DDAH1: variants seen among roughly 807,000 people sequenced by gnomAD.
DDAH1 encodes dimethylarginine dimethylaminohydrolase 1, also known as N(G),N(G)-dimethylarginine dimethylaminohydrolase 1.
Under a neutral mutation model 28.8 loss-of-function variants are expected in DDAH1, and 19 were observed. The ratio of observed to expected loss-of-function variants is 0.66; its 90% CI spans 0.46 to 0.97. DDAH1 has a LOEUF of 0.97. Ranked by LOEUF, DDAH1 falls within the 50% of genes least tolerant of loss-of-function variation. The pLI is 0.00. For synonymous variants in DDAH1, 153 were observed against 154.4 expected (o/e 0.99, Z 0.07); for missense variants, 326 against 375.9 (o/e 0.87, Z 1.10).
At chr1:85,386,184 C>T (rs1303282102) in intron 1 of DDAH1, among the ~76,000 whole-genome samples, 3 of 152,200 alleles carry the variant, frequency 2.0e-5, no homozygotes, top group Non-Finnish European at 4.4e-5. Flanking sequence ...TGCAATCATT[C>T]TATCCCAACA....
chr1:85,382,656 T>C (rs1481869152), intron 1 of DDAH1, among the ~76,000 whole-genome samples: 1 of 152,226 alleles, frequency 6.6e-6, no homozygotes, highest in Non-Finnish European at 1.5e-5. Context: ...AGGACTTCTC[T>C]AGCTGTTAAG....
At chr1:85,481,010 TTTTC>T (rs1655991359) in intron 2 of DDAH1, among the ~76,000 whole-genome samples, 1 of 151,788 alleles carries the variant, frequency 6.6e-6, no homozygotes, top group Non-Finnish European at 1.5e-5. Flanking sequence ...GTGATTTTTA[TTTTC>T]TTTAAAATTT....
At chr1:85,522,475 C>T (rs567401) in intron 1 of DDAH1, among the ~76,000 whole-genome samples, 19,489 of 142,996 alleles carry the variant, frequency 0.14, 1,419 homozygotes, top group South Asian at 0.2. Context: ...GAATTTAATT[C>T]TGTGCTAAGC....
intron 1 of DDAH1, among the ~76,000 whole-genome samples, chr1:85,395,823 T>C (rs1036136945): frequency 2.0e-5 from 3 of 152,188 alleles, no homozygotes; most frequent in African/African-American, 7.2e-5. Context: ...GAATTGTTTT[T>C]AGGTTTTTCT....
intron 1 of DDAH1, among the ~76,000 whole-genome samples, chr1:85,424,053 C>T (rs563029412): frequency 6.6e-6 from 1 of 152,226 alleles, no homozygotes; most frequent in Non-Finnish European, 1.5e-5. Flanking sequence ...CCTTGCATAC[C>T]TGGCATAAAT....
chr1:85,470,578 AAAGT>A (rs1352598944), intron 2 of DDAH1, among the ~76,000 whole-genome samples: 2 of 152,248 alleles, frequency 1.3e-5, no homozygotes, highest in African/African-American at 4.8e-5. Flanking sequence ...AATATCGGAT[AAAGT>A]AAGTACCATA....
intron 1 of DDAH1, chr1:85,404,231 A>C (rs1181416450): frequency 1.7e-6 from 1 of 605,492 alleles, no homozygotes; most frequent in Non-Finnish European, 2.7e-6. Flanking sequence ...TGAGCATTTA[A>C]TGACCTCCAT....
At chr1:85,390,535 T>C (rs1391320216) in intron 1 of DDAH1, among the ~76,000 whole-genome samples, 1 of 152,132 alleles carries the variant, frequency 6.6e-6, no homozygotes, top group Non-Finnish European at 1.5e-5. Context: ...CAAGATTTGA[T>C]AAGCTTTGGG....
chr1:85,484,399 T>C (rs1390360415), intron 2 of DDAH1, among the ~76,000 whole-genome samples: 1 of 152,134 alleles, frequency 6.6e-6, no homozygotes, highest in Non-Finnish European at 1.5e-5. Context: ...AAGTGACAGA[T>C]AAGCGGTTTT....
intron 2 of DDAH1, among the ~76,000 whole-genome samples, chr1:85,488,013 G>A (rs1570601029): frequency 1.3e-5 from 2 of 152,000 alleles, no homozygotes; most frequent in East Asian, 1.9e-4. Flanking sequence ...GTGAAACCCC[G>A]TCTCTACTAA....
intron 1 of DDAH1, among the ~76,000 whole-genome samples, chr1:85,405,440 T>G (rs1322573754): frequency 6.6e-6 from 1 of 152,182 alleles, no homozygotes; most frequent in African/African-American, 2.4e-5. Flanking sequence ...GATGGTTCCT[T>G]TAAATAAACA....
At chr1:85,335,650 G>T (rs1180379349) in intron 4 of DDAH1, among the ~76,000 whole-genome samples, 2 of 152,102 alleles carry the variant, frequency 1.3e-5, no homozygotes, top group Non-Finnish European at 2.9e-5. Flanking sequence ...CAACACTGAA[G>T]CACCCAGATA....
intron 2 of DDAH1, 129 bp downstream of exon 2, chr1:85,358,619 G>A (rs1202902499): frequency 2.7e-5 from 18 of 678,040 alleles, no homozygotes; most frequent in South Asian, 1.2e-4. Context: ...ACTGCACTCC[G>A]GCCTAGGTGA....
rs111771962 is a variant in DDAH1 at position 85,575,270 on chromosome 1, C to G, written c.-123+2714G>C. 7.2e-5 allele frequency among the ~76,000 whole-genome samples: 11 copies of G among 152,234 alleles called. 2 individuals carry two copies. The highest frequency in any genetic ancestry group is 2.6e-4 in the African/African-American group (11 of 41,556). ...AAACAAAACAAAACAAAACCAACAA[C>G]AAAAACAGACTGGGTCCACAGTGAA... is the stretch of plus-strand genomic sequence containing the variant. On this transcript the variant is annotated intron_variant, in intron 1 of 6. Coordinates refer to the DDAH1 transcript ENST00000426972.
intron 1 of DDAH1, among the ~76,000 whole-genome samples, chr1:85,410,144 A>G (rs944069437): frequency 6.6e-6 from 1 of 151,930 alleles, no homozygotes; most frequent in East Asian, 2.0e-4. Context: ...AGCCAGGCAC[A>G]CTGCCAAACA....
chr1:85,554,691 T>C (rs943713574), intron 1 of DDAH1, among the ~76,000 whole-genome samples: 4 of 152,208 alleles, frequency 2.6e-5, no homozygotes, highest in African/African-American at 9.6e-5. Context: ...ATGGAGAAAT[T>C]GGCTTTAAAG....
At position 85,415,410 on chromosome 1, in the gene DDAH1, G is replaced by C. The variant is rs1253962340; in HGVS notation, c.303+49333C>G. Among the ~76,000 whole-genome samples the C allele has an allele frequency of 2.6e-5, 4 of 152,302 alleles. No individual in the cohort carries two copies. In the East Asian group the frequency reaches 7.7e-4, roughly 29 times the overall value. ...GCTTAAAATCTTGTACACTTTACAA[G>C]CCAGCTCTACTTCTAGAAATCTGAG... is the stretch of plus-strand genomic sequence containing the variant. On this transcript the variant is annotated intron_variant, in intron 1 of 5. Coordinates refer to ENST00000284031, the MANE Select transcript of DDAH1 (RefSeq NM_012137.4).
intron 4 of DDAH1, among the ~76,000 whole-genome samples, chr1:85,342,055 G>A (rs1648524315): frequency 6.6e-6 from 1 of 152,068 alleles, no homozygotes; most frequent in Admixed American, 6.6e-5. Flanking sequence ...CCAATGGGAA[G>A]GAACAACACT....
chr1:85,426,363 C>A (rs1177607307), intron 1 of DDAH1, among the ~76,000 whole-genome samples: 2 of 152,162 alleles, frequency 1.3e-5, no homozygotes, highest in African/African-American at 4.8e-5. Context: ...TGTAAACTAT[C>A]AAGAGCTCCA....
Sources: gnomAD v4.1 joint callset for allele counts (sites outside exome capture counted in the v4.1 genomes callset) on GRCh38, gnomAD v4.1.1 for gene constraint, MANE v1.5 for transcripts, NCBI Gene and HGNC (gene_info 2026-07-23, HGNC 2026-07-21) for gene names.